KCNQ1: variants seen among roughly 807,000 people sequenced by gnomAD.
KCNQ1 encodes the protein potassium voltage-gated channel subfamily Q member 1.
In KCNQ1, 49 loss-of-function variants were observed where a neutral mutation model predicts 72.4. That is an observed-to-expected ratio of 0.68 (90% CI 0.54 to 0.86). The LOEUF is 0.86. Ranked by LOEUF, KCNQ1 falls within the 40% of genes least tolerant of loss-of-function variation. The pLI, the probability that KCNQ1 is intolerant of heterozygous loss-of-function variation, is 0.00. For missense variants in KCNQ1, 790 were observed against 945.1 expected (o/e 0.84, Z 2.15); for synonymous variants, 450 against 412.6 (o/e 1.09, Z -1.10).
In KCNQ1 at chr11:2,767,658, T is replaced by C. The variant is rs1266632021; in HGVS notation, c.1515-1186T>C. On this transcript the variant is annotated intron_variant, in intron 11 of 15. Transcript: ENST00000155840. This position sits in a 1 kb window ranked among gnomAD's most constrained non-coding sequence, Gnocchi z 4.6. ...GGTTAATGTGATGGAAAGTTGGCAT[T>C]GCTTAGTTTCTGGGGCTGCCTTCTA... 2.0e-5 allele frequency among the ~76,000 whole-genome samples: 3 copies of C among 152,210 alleles called. No individual in the cohort carries two copies. Among genetic ancestry groups the C allele is most frequent in the Non-Finnish European group, 4.4e-5 (3 of 68,034 alleles).
At chr11:2,749,098 A>C (rs1409671004) in intron 11 of KCNQ1, among the ~76,000 whole-genome samples, 1 of 152,222 alleles carries the variant, frequency 6.6e-6, no homozygotes, top group African/African-American at 2.4e-5. Flanking sequence ...GTTGACACAC[A>C]TGGGGCCGCA....
chr11:2,802,447 A>T (rs1421845946), intron 15 of KCNQ1, among the ~76,000 whole-genome samples: 1 of 152,174 alleles, frequency 6.6e-6, no homozygotes, highest in Admixed American at 6.5e-5. Context: ...GCAGCCCTTC[A>T]TGGGCCTGCC....
rs1292453260 is a variant in KCNQ1 at position 2,766,141 on chromosome 11, T to C, written c.1515-2703T>C. On this transcript the variant is annotated intron_variant, in intron 11 of 15. Coordinates refer to ENST00000155840, the MANE Select transcript of KCNQ1 (RefSeq NM_000218.3). This position sits in a 1 kb window ranked among gnomAD's most constrained non-coding sequence, Gnocchi z 4.4. ...GTATCTATAAATTTTATTTCTCTGG[T>C]AAAATTGTCTATCTTTTCATCTATT... Among the ~76,000 whole-genome samples the C allele has an allele frequency of 6.6e-6, 1 of 152,234 alleles. No homozygotes were observed. Among genetic ancestry groups the C allele is most frequent in the African/African-American group, 2.4e-5 (1 of 41,454 alleles).
rs187014525 is a variant in KCNQ1, at chr11:2,534,954, T to C, written c.477+6936T>C. Among the ~76,000 whole-genome samples, 666 of 152,320 alleles carry C rather than the reference T, an allele frequency of 4.4e-3. 4 individuals are homozygous for C. The highest frequency in any genetic ancestry group is 0.015 in the African/African-American group (634 of 41,584). On this transcript the variant is annotated intron_variant, in intron 2 of 15. Transcript: ENST00000155840. ...TGCAGGGCCCTGTGTATGTGCGGGC[T>C]GGAGCCCTGGTTCCTGTCTGCACTG...
chr11:2,609,857 T>C, intron 10 of KCNQ1: 1 of 398,176 alleles, frequency 2.5e-6, no homozygotes, highest in Non-Finnish European at 4.4e-6. Flanking sequence ...GGTTGCTGCT[T>C]ACATGATATA....
chr11:2,793,287 A>G (rs1264592566), intron 15 of KCNQ1, among the ~76,000 whole-genome samples: 1 of 152,192 alleles, frequency 6.6e-6, no homozygotes, highest in African/African-American at 2.4e-5. Flanking sequence ...TAGCAGGGTC[A>G]TGTGAGGGCT....
Position 2,627,649 on chromosome 11 carries a change from A to G in KCNQ1, c.1394-34312A>G, listed in dbSNP as rs1427066463. The G allele has an allele frequency of 1.0e-5, 4 of 398,514 alleles. No individual in the cohort carries two copies. The highest frequency in any genetic ancestry group is 1.8e-5 in the Non-Finnish European group (4 of 226,042). 24.7% of individuals were successfully genotyped at this position (398,514 alleles called of 1,614,324 possible). On this transcript the variant is annotated intron_variant, in intron 10 of 15. Coordinates refer to ENST00000155840, the MANE Select transcript of KCNQ1 (RefSeq NM_000218.3). This position sits in a 1 kb window ranked among gnomAD's most constrained non-coding sequence, Gnocchi z 4.9. ...ATGATTTCCTGCTTTTTAAAGGATGAATATTTCATTGTGTGTGTGTATATA... is the reference window on the plus strand; with the variant it reads ...ATGATTTCCTGCTTTTTAAAGGATGGATATTTCATTGTGTGTGTGTATATA...
rs191061080 is a variant in KCNQ1, at chr11:2,711,301, C to A, written c.1514+49220C>A. Among the ~76,000 whole-genome samples, 1 of 152,346 alleles carries A rather than the reference C, an allele frequency of 6.6e-6. No homozygotes were observed. The highest frequency in any genetic ancestry group is 1.9e-4 in the East Asian group (1 of 5,180). On this transcript the variant is annotated intron_variant, in intron 11 of 15. Transcript: ENST00000155840. The surrounding 1 kb of genome is among the most constrained non-coding windows in gnomAD (Gnocchi z 5.4). ...TCTCCCTTGGAGTCTCTCCCCGACT[C>A]CAGGGCTCATGGCCCCTTTCAGGCC...
chr11:2,700,023 G>T, intron 11 of KCNQ1: 1 of 398,194 alleles, frequency 2.5e-6, no homozygotes, highest in Non-Finnish European at 4.4e-6. Flanking sequence ...CGCTCCGACT[G>T]CCCCCGCCGC....
chr11:2,814,623 CAAGG>C (rs3079081), intron 15 of KCNQ1, among the ~76,000 whole-genome samples: 112,496 of 142,272 alleles, frequency 0.79, 44,941 homozygotes, highest in South Asian at 0.92. Flanking sequence ...TGGAAGGAGA[CAAGG>C]AAGGAAGGAA....
At chr11:2,569,205 AC>A in intron 2 of KCNQ1, among the ~76,000 whole-genome samples, 1 of 151,230 alleles carries the variant, frequency 6.6e-6, no homozygotes, top group Non-Finnish European at 1.5e-5. Context: ...TTTACCTTAC[AC>A]CCCTGCCATC....
intron 10 of KCNQ1, chr11:2,637,801 A>G (rs1169744971): frequency 2.0e-5 from 3 of 152,148 alleles, no homozygotes; most frequent in Admixed American, 2.0e-4. Context: ...GTCTCCCATT[A>G]TTATTGTGTG....
intron 11 of KCNQ1, among the ~76,000 whole-genome samples, chr11:2,706,224 C>CTTCCA (rs965433335): frequency 7.7e-4 from 117 of 152,338 alleles, no homozygotes; most frequent in African/African-American, 2.5e-3. Context: ...GAAGAAGTGA[C>CTTCCA]AGAGCATGAC....
rs758143525 is a variant in KCNQ1, at chr11:2,778,089, CA to C, written c.1794+53del. The C allele has an allele frequency of 2.6e-6, 4 of 1,541,068 alleles. No individual in the cohort carries two copies. The Admixed American group carries it at 6.7e-5, about 26-fold the overall frequency. On this transcript the variant is annotated intron_variant, in intron 15 of 15. Transcript: ENST00000155840. ...GTTCTGGTTAGCGTCCTGGGGCCAG[CA>C]GGCACCTCCCTGTGGTCTGCGTGTG...
chr11:2,453,564 G>T (rs1389570383), intron 1 of KCNQ1, among the ~76,000 whole-genome samples: 1 of 152,208 alleles, frequency 6.6e-6, no homozygotes, highest in Non-Finnish European at 1.5e-5. Flanking sequence ...CATGTGAGAA[G>T]GTGCCGCCTT....
chr11:2,650,506 A>G, intron 10 of KCNQ1: 1 of 398,646 alleles, frequency 2.5e-6, no homozygotes, highest in Non-Finnish European at 4.4e-6. Flanking sequence ...TCTACAATTA[A>G]TTAGACTATA....
chr11:2,846,748 G>A (rs886515195), intron 15 of KCNQ1, among the ~76,000 whole-genome samples: 30 of 152,390 alleles, frequency 2.0e-4, no homozygotes, highest in African/African-American at 5.5e-4. Flanking sequence ...TTCCCCAGCG[G>A]TGCTGTCCTT....
chr11:2,457,683 A>G lies in KCNQ1; in HGVS notation c.386+12199A>G, dbSNP rs1564786308. ...AAAGTTACCTGTGGGTGCTGTGCGC[A>G]CTACGTGGGAGACCGGATCGTTTGT... On this transcript the variant is annotated intron_variant, in intron 1 of 15. Coordinates refer to ENST00000155840, the MANE Select transcript of KCNQ1 (RefSeq NM_000218.3). The surrounding 1 kb of genome is among the most constrained non-coding windows in gnomAD (Gnocchi z 5.0). Among the ~76,000 whole-genome samples, 1 of 152,154 alleles carries G rather than the reference A, an allele frequency of 6.6e-6. No individual in the cohort carries two copies. The highest frequency in any genetic ancestry group is 1.9e-4 in the East Asian group (1 of 5,182).
rs568940103 is a variant in KCNQ1, at chr11:2,451,224, G to A, written c.386+5740G>A. ...ACCCGGGCAGTGGTGATCTTGGGATGAAACTGTTCCATCTCAGATCATCAG... is the reference window on the plus strand; with the variant it reads ...ACCCGGGCAGTGGTGATCTTGGGATAAAACTGTTCCATCTCAGATCATCAG... On this transcript the variant is annotated intron_variant, in intron 1 of 15. Transcript: ENST00000155840. The surrounding 1 kb of genome is among the most constrained non-coding windows in gnomAD (Gnocchi z 6.4). Among the ~76,000 whole-genome samples the A allele has an allele frequency of 9.9e-5, 15 of 152,184 alleles. No homozygotes were observed. The highest frequency in any genetic ancestry group is 1.6e-4 in the Non-Finnish European group (11 of 68,038).
Sources: gnomAD v4.1 joint callset for allele counts (sites outside exome capture counted in the v4.1 genomes callset) on GRCh38, gnomAD v4.1.1 for gene constraint, Gnocchi (gnomAD v3.1) non-coding constraint, MANE v1.5 for transcripts, NCBI Gene and HGNC (gene_info 2026-07-23, HGNC 2026-07-21) for gene names.